Variants in KCNMA1 observed in about 807,000 individuals in gnomAD.
The protein encoded by KCNMA1 is Calcium-activated potassium channel subunit alpha-1.
KCNMA1 carries 29 observed loss-of-function variants against 140.0 expected under a neutral mutation model. The observed-to-expected ratio is 0.21, with a 90% confidence interval of 0.15 to 0.28. KCNMA1 has a LOEUF of 0.28. Ranked by LOEUF, KCNMA1 falls within the 10% of genes least tolerant of loss-of-function variation. KCNMA1 has a pLI of 1.00. For synonymous variants in KCNMA1, 612 were observed against 611.9 expected (o/e 1.00, Z 0.00); for missense variants, 880 against 1,602.2 (o/e 0.55, Z 7.70).
At chr10:77,582,360 T>C (rs1367668141) in intron 1 of KCNMA1, among the ~76,000 whole-genome samples, 1 of 152,238 alleles carries the variant, frequency 6.6e-6, no homozygotes, top group Non-Finnish European at 1.5e-5. Context: ...ACTTAATATA[T>C]GTGGAAGAGG....
At chr10:77,576,483 G>A (rs542783117) in intron 1 of KCNMA1, among the ~76,000 whole-genome samples, 7 of 151,972 alleles carry the variant, frequency 4.6e-5, no homozygotes, top group Non-Finnish European at 8.8e-5. Context: ...GCGGACTCTC[G>A]GCCTCTCCCA....
At position 77,041,151 on chromosome 10, in the gene KCNMA1, C is replaced by CTT. The variant is rs1162318311; in HGVS notation, c.1750-1516_1750-1515dup. On this transcript the variant is annotated intron_variant, in intron 14 of 27. Coordinates refer to ENST00000286628, the MANE Select transcript of KCNMA1 (RefSeq NM_001161352.2). ...TGTGCACCACCATGCCTGGCTAATTCTTTTTTTTTTTTTTTTTTTTTTTTT... is the reference window on the plus strand; with the variant it reads ...TGTGCACCACCATGCCTGGCTAATTCTTTTTTTTTTTTTTTTTTTTTTTTTTT... Among the ~76,000 whole-genome samples the CTT allele has an allele frequency of 2.5e-3, 4 of 1,582 alleles. 1 individual carries two copies. Among genetic ancestry groups the CTT allele is most frequent in the Non-Finnish European group, 4.7e-3 (4 of 848 alleles). The allele number at this position is 1,582 out of a possible 152,430, so 1.0% of individuals were successfully genotyped here. A position where few individuals can be genotyped will look rare whatever the true frequency, so the allele number is the denominator to read the frequency against.
chr10:77,509,279 T>C (rs2047473432), intron 1 of KCNMA1, among the ~76,000 whole-genome samples: 1 of 152,006 alleles, frequency 6.6e-6, no homozygotes, highest in Non-Finnish European at 1.5e-5. Context: ...CCACCATGCC[T>C]GGCTAATTTT....
intron 1 of KCNMA1, among the ~76,000 whole-genome samples, chr10:77,510,706 G>A (rs965260261): frequency 2.0e-5 from 3 of 152,050 alleles, no homozygotes; most frequent in African/African-American, 7.2e-5. Context: ...CCTGAGGCAG[G>A]AGGATCACTT....
chr10:77,408,574 G>C (rs1032636583), intron 1 of KCNMA1, among the ~76,000 whole-genome samples: 3 of 152,202 alleles, frequency 2.0e-5, no homozygotes, highest in African/African-American at 7.2e-5. Flanking sequence ...GTGTGTAAGG[G>C]AGAGAAACCC....
In KCNMA1 at chr10:77,527,821, G is replaced by A. The variant is rs140485905; in HGVS notation, c.378+109444C>T. Among the ~76,000 whole-genome samples, 48 of 152,178 alleles carry A rather than the reference G, an allele frequency of 3.2e-4. No individual in the cohort carries two copies. In the East Asian group the frequency reaches 8.5e-3, roughly 27 times the overall value. The stretch of plus-strand genomic sequence containing the variant: ...GTGGAGGGTGGCTGAGTGGGCCCTG[G>A]TGCAGCCCTCATCCCCAGGGGCTGG... On this transcript the variant is annotated intron_variant, in intron 1 of 27. Coordinates refer to ENST00000286628, the MANE Select transcript of KCNMA1 (RefSeq NM_001161352.2).
chr10:77,366,144 C>CG, intron 2 of KCNMA1, among the ~76,000 whole-genome samples: 1 of 38,804 alleles, frequency 2.6e-5, no homozygotes, highest in Non-Finnish European at 5.3e-5. Flanking sequence ...CTCTCTCTCT[C>CG]TTTCTCTTTC....
intron 1 of KCNMA1, among the ~76,000 whole-genome samples, chr10:77,450,689 G>A (rs12249361): frequency 0.056 from 8,569 of 152,164 alleles, 792 homozygotes; most frequent in African/African-American, 0.19. Context: ...GTCATGTCCA[G>A]CCTCAGACCC....
intron 3 of KCNMA1, among the ~76,000 whole-genome samples, chr10:77,247,971 G>C (rs1282153749): frequency 2.0e-5 from 3 of 152,100 alleles, no homozygotes; most frequent in Non-Finnish European, 2.9e-5. Context: ...ACCACCCTAG[G>C]TTCATTAAGA....
chr10:76,990,014 T>C (rs1218204582), intron 19 of KCNMA1, among the ~76,000 whole-genome samples: 1 of 152,214 alleles, frequency 6.6e-6, no homozygotes, highest in Admixed American at 6.5e-5. Context: ...GCAATCTTTA[T>C]ATATATTCAC....
At chr10:76,948,330 GAACTTACA>G (rs1256699974) in intron 22 of KCNMA1, among the ~76,000 whole-genome samples, 1 of 152,144 alleles carries the variant, frequency 6.6e-6, no homozygotes, top group East Asian at 1.9e-4. Context: ...TCAGGGATGT[GAACTTACA>G]AGAAAAATAT....
intron 16 of KCNMA1, 129 bp downstream of exon 16, chr10:77,027,694 C>T (rs923907624): frequency 3.7e-6 from 3 of 817,602 alleles, no homozygotes; most frequent in Non-Finnish European, 6.5e-6. Context: ...GCTCTAGGGT[C>T]AGAGAGGTTT....
At chr10:77,158,187 C>A (rs1336981635) in intron 5 of KCNMA1, among the ~76,000 whole-genome samples, 1 of 152,166 alleles carries the variant, frequency 6.6e-6, no homozygotes, top group Non-Finnish European at 1.5e-5. Context: ...CCTCAAGAAT[C>A]TTCTTTGAGG....
At chr10:76,891,010 T>A (rs2039804954) in intron 26 of KCNMA1, among the ~76,000 whole-genome samples, 1 of 152,204 alleles carries the variant, frequency 6.6e-6, no homozygotes, top group African/African-American at 2.4e-5. Context: ...CCTATTCACA[T>A]ATAAAAACTA....
At chr10:77,048,521 A>G (rs1486730116) in intron 14 of KCNMA1, among the ~76,000 whole-genome samples, 1 of 152,310 alleles carries the variant, frequency 6.6e-6, no homozygotes, top group African/African-American at 2.4e-5. Flanking sequence ...GGTGGCCCCT[A>G]CTAGAATGTG....
At chr10:77,232,189 T>C (rs189480079) in intron 3 of KCNMA1, among the ~76,000 whole-genome samples, 8 of 152,240 alleles carry the variant, frequency 5.3e-5, no homozygotes, top group Non-Finnish European at 1.0e-4. Flanking sequence ...CATCTGTTGA[T>C]GGGCATTTAG....
chr10:77,284,668 C>G (rs2070076624), intron 2 of KCNMA1, among the ~76,000 whole-genome samples: 1 of 152,198 alleles, frequency 6.6e-6, no homozygotes, highest in Non-Finnish European at 1.5e-5. Context: ...CACATGGCAT[C>G]ACACCCAGCT....
rs907710941 is a variant in KCNMA1, at chr10:77,331,226, C to T, written c.540+72636G>A. On this transcript the variant is annotated intron_variant, in intron 2 of 27. Transcript: ENST00000286628. ...CACCCCAGCTGGCATACTCTCAGGC[C>T]TCTGACACTGGCAGCAGGTCTGAGC... Among the ~76,000 whole-genome samples, 6 of 152,282 alleles carry T rather than the reference C, an allele frequency of 3.9e-5. No individual in the cohort carries two copies. In the South Asian group the frequency reaches 8.3e-4, roughly 21 times the overall value.
chr10:77,520,164 GCA>G (rs1390294557), intron 1 of KCNMA1, among the ~76,000 whole-genome samples: 5 of 41,362 alleles, frequency 1.2e-4, no homozygotes, highest in Admixed American at 2.8e-4. Flanking sequence ...TCTGGCATAT[GCA>G]GTGTGAGGGC....
Sources: gnomAD v4.1 joint callset for allele counts (sites outside exome capture counted in the v4.1 genomes callset) on GRCh38, gnomAD v4.1.1 for gene constraint, MANE v1.5 for transcripts, NCBI Gene and HGNC (gene_info 2026-07-23, HGNC 2026-07-21) for gene names.